Variants in TGM3 observed in about 807,000 individuals in gnomAD.
TGM3 encodes the protein protein-glutamine gamma-glutamyltransferase E.
TGM3 carries 52 observed loss-of-function variants against 73.8 expected under a neutral mutation model. That is an observed-to-expected ratio of 0.70 (90% CI 0.56 to 0.89). The LOEUF (loss-of-function observed/expected upper bound fraction) is 0.89. Ranked by LOEUF, TGM3 falls within the 40% of genes least tolerant of loss-of-function variation. The probability of loss-of-function intolerance (pLI) is 0.00; values close to 1 mark genes in which losing one functional copy is unlikely to be tolerated. For synonymous variants in TGM3, 372 were observed against 354.9 expected (o/e 1.05, Z -0.54); for missense variants, 928 against 909.9 (o/e 1.02, Z -0.26).
Position 2,312,976 on chromosome 20 carries a change from G to A in TGM3, c.619G>A (p.Val207Met), listed in dbSNP as rs374185059. 6.2e-7 allele frequency: 1 copy of A among 1,614,228 alleles called. No individual in the cohort carries two copies. Among genetic ancestry groups the A allele is most frequent in the Non-Finnish European group, 8.5e-7 (1 of 1,180,046 alleles). ...TTTCCGCCGTGACGCTGCTACTGATGTGGCCAGCAGAAATGACCCCAAATA... is the reference window on the plus strand; with the variant it reads ...TTTCCGCCGTGACGCTGCTACTGATATGGCCAGCAGAAATGACCCCAAATA... ...LNFRRDAATD[V>M]ASRNDPKYVG... The change falls in exon 5 of 13, where the codon GTG becomes ATG. Residue 207 changes from valine (V) to methionine (M), a missense_variant. Transcript: ENST00000381458.
chr20:2,337,020 C>A (rs1405717011), intron 11 of TGM3, among the ~76,000 whole-genome samples: 2 of 152,190 alleles, frequency 1.3e-5, no homozygotes, highest in African/African-American at 4.8e-5. Context: ...TATTATCCTT[C>A]TTTGTGCAAT....
At chr20:2,314,456 G>C (rs987692229) in intron 5 of TGM3, among the ~76,000 whole-genome samples, 3 of 151,516 alleles carry the variant, frequency 2.0e-5, no homozygotes, top group African/African-American at 7.3e-5. Context: ...ACTTTGGGAG[G>C]CTAAGGCAGA....
rs575853158 is a variant in TGM3, at chr20:2,332,014, A to G, written c.1346A>G (p.Glu449Gly). Residue 449 changes from glutamate to glycine, a missense_variant, in exon 10 of 13, where the codon GAA (glutamate) becomes GGA (glycine). By Grantham distance (98) the Glu-to-Gly change is moderately conservative (BLOSUM62 -2). Coordinates refer to ENST00000381458, the MANE Select transcript of TGM3 (RefSeq NM_003245.4). The surrounding 1 kb of genome is among the most constrained non-coding windows in gnomAD (Gnocchi z 4.4). Reference protein sequence around the residue: ...KYKYPEGSDQERQVFQKALGK... With the variant: ...KYKYPEGSDQGRQVFQKALGK... ...TCCCACCACACAGGCTCTGACCAGG[A>G]AAGACAAGTGTTCCAAAAGGCTTTG... 6.2e-7 allele frequency: 1 copy of G among 1,606,346 alleles called. No individual in the cohort carries two copies. Among genetic ancestry groups the G allele is most frequent in the African/African-American group, 1.3e-5 (1 of 74,894 alleles).
At position 2,296,160 on chromosome 20, in the gene TGM3, A is replaced by T. The variant is rs1008257565; in HGVS notation, c.7+90A>T. ...TGCCAAGCCAGAGTGTCCGGCCAGG[A>T]CAGCTGCCTGCCTTGGGGGCTCTGA... On this transcript the variant is annotated intron_variant, in intron 1 of 12. Coordinates refer to ENST00000381458, the MANE Select transcript of TGM3 (RefSeq NM_003245.4). 3.3e-6 allele frequency: 5 copies of T among 1,493,244 alleles called. No homozygotes were observed. The African/African-American group carries it at 7.0e-5, about 21-fold the overall frequency. The allele number at this position is 1,493,244 out of a possible 1,614,324, so 92.5% of individuals were successfully genotyped here. A position where few individuals can be genotyped will look rare whatever the true frequency, so the allele number is the denominator to read the frequency against.
chr20:2,332,040 G>A lies in TGM3; in HGVS notation c.1372G>A (p.Gly458Arg). Residue 458 changes from glycine to arginine, a missense_variant, in exon 10 of 13, where the codon GGG (glycine) becomes AGG (arginine). Gly to Arg is a moderately radical substitution (Grantham distance 125, BLOSUM62 -2). Coordinates refer to ENST00000381458, the MANE Select transcript of TGM3 (RefSeq NM_003245.4). The surrounding 1 kb of genome is among the most constrained non-coding windows in gnomAD (Gnocchi z 4.4). ...AAGACAAGTGTTCCAAAAGGCTTTG[G>A]GGAAACTTAAACCCAACACGCCATT... ...QERQVFQKAL[G>R]KLKPNTPFAA... 6.2e-7 allele frequency: 1 copy of A among 1,613,452 alleles called. No individual in the cohort carries two copies. Among genetic ancestry groups the A allele is most frequent in the Non-Finnish European group, 8.5e-7 (1 of 1,179,576 alleles).
intron 8 of TGM3, among the ~76,000 whole-genome samples, chr20:2,326,985 G>A (rs8123507): frequency 0.039 from 5,959 of 152,196 alleles, 388 homozygotes; most frequent in African/African-American, 0.14. Context: ...ATCAGTGCAC[G>A]TTACTAGATT....
intron 1 of TGM3, among the ~76,000 whole-genome samples, chr20:2,307,808 C>T (rs1007950287): frequency 1.3e-5 from 2 of 152,096 alleles, no homozygotes; most frequent in South Asian, 2.1e-4. Flanking sequence ...TTTCAGCTGT[C>T]GTCATGATGG....
chr20:2,312,396 C>CAAAAAAAAAAAAAAAAAA (rs57369938), intron 4 of TGM3, among the ~76,000 whole-genome samples: 1 of 60,478 alleles, frequency 1.7e-5, no homozygotes, highest in African/African-American at 5.9e-5. Flanking sequence ...GACTCCGTCT[C>CAAAAAAAAAAAAAAAAAA]AAAAAAAAAA....
chr20:2,336,571 A>T (rs182223673), intron 11 of TGM3, among the ~76,000 whole-genome samples: 4 of 149,458 alleles, frequency 2.7e-5, no homozygotes, highest in Admixed American at 1.3e-4. Context: ...GGGATCTAGG[A>T]TGCTGGCTCT....
intron 7 of TGM3, among the ~76,000 whole-genome samples, chr20:2,324,542 G>T (rs1238895036): frequency 6.6e-6 from 1 of 152,150 alleles, no homozygotes; most frequent in East Asian, 1.9e-4. Flanking sequence ...GTAGGCAGTG[G>T]CTCTGCTCTC....
intron 1 of TGM3, among the ~76,000 whole-genome samples, chr20:2,303,618 A>G (rs214789): frequency 0.75 from 113,953 of 152,134 alleles, 44,206 homozygotes; most frequent in East Asian, 0.93. Context: ...AACTTCTGCC[A>G]AAAGCTTTTG....
Position 2,332,538 on chromosome 20 carries a change from G to A in TGM3, c.1642+228G>A, listed in dbSNP as rs1600707646. Among the ~76,000 whole-genome samples, 1 of 152,184 alleles carries A rather than the reference G, an allele frequency of 6.6e-6. No individual in the cohort carries two copies. Reference sequence around the variant, plus strand: ...CAACCAAAATCCTTTTACGCCCCAAGGGAGGAAGGAGGGAGGCTTTGGCAG... The same window carrying A: ...CAACCAAAATCCTTTTACGCCCCAAAGGAGGAAGGAGGGAGGCTTTGGCAG... On this transcript the variant is annotated intron_variant, in intron 10 of 12. Coordinates refer to ENST00000381458, the MANE Select transcript of TGM3 (RefSeq NM_003245.4). The surrounding 1 kb of genome is among the most constrained non-coding windows in gnomAD (Gnocchi z 4.4).
rs142335936 is a variant in TGM3, at chr20:2,310,983, G to A, written c.422-28G>A. 3.6e-4 allele frequency: 565 copies of A among 1,588,974 alleles called. 4 individuals carry two copies. The East Asian group carries it at 0.01, about 29-fold the overall frequency. On this transcript the variant is annotated intron_variant, in intron 3 of 12. Transcript: ENST00000381458. ...CTACAGTCCTCCGAGGATTCTAGTC[G>A]CTGGTGTCTGCTTTTTGTATCAAAT... is the stretch of plus-strand genomic sequence containing the variant.
chr20:2,304,660 C>T (rs937382271), intron 1 of TGM3, among the ~76,000 whole-genome samples: 2 of 152,158 alleles, frequency 1.3e-5, no homozygotes, highest in Non-Finnish European at 2.9e-5. Context: ...TTCCAGACTA[C>T]TCTTAATACT....
At chr20:2,306,472 CT>C (rs33929365) in intron 1 of TGM3, among the ~76,000 whole-genome samples, 2,827 of 129,546 alleles carry the variant, frequency 0.022, 49 homozygotes, top group African/African-American at 0.071. Flanking sequence ...CTTTTCCTTT[CT>C]TTTTTTTTTT....
At chr20:2,340,229 T>C (rs2084373718) in intron 12 of TGM3, among the ~76,000 whole-genome samples, 1 of 151,926 alleles carries the variant, frequency 6.6e-6, no homozygotes, top group African/African-American at 2.4e-5. Flanking sequence ...ATTTGGGAGA[T>C]CATGGGACCC....
At chr20:2,321,261 A>T (rs376476250) in intron 7 of TGM3, among the ~76,000 whole-genome samples, 3 of 152,204 alleles carry the variant, frequency 2.0e-5, no homozygotes, top group African/African-American at 7.2e-5. Context: ...GTTTTGTTTT[A>T]TAACTAGGCC....
chr20:2,305,569 A>C (rs1362309027), intron 1 of TGM3, among the ~76,000 whole-genome samples: 3 of 152,214 alleles, frequency 2.0e-5, no homozygotes, highest in African/African-American at 7.2e-5. Context: ...TGCGCATAGC[A>C]GTTGGCATAA....
intron 5 of TGM3, 123 bp from the exon 6 acceptor site, chr20:2,316,945 A>T: frequency 1.3e-5 from 15 of 1,114,038 alleles, no homozygotes; most frequent in Non-Finnish European, 1.8e-5. Context: ...GACAAAGAAA[A>T]GTTCAATCAT....
Sources: gnomAD v4.1 joint callset for allele counts (sites outside exome capture counted in the v4.1 genomes callset) on GRCh38, gnomAD v4.1.1 for gene constraint, Gnocchi (gnomAD v3.1) non-coding constraint, MANE v1.5 for transcripts, NCBI Gene and HGNC (gene_info 2026-07-23, HGNC 2026-07-21) for gene names.